EXOC4: variants seen among roughly 807,000 people sequenced by gnomAD.
EXOC4 encodes exocyst complex component 4.
Under a neutral mutation model 107.2 loss-of-function variants are expected in EXOC4, and 71 were observed. The observed-to-expected ratio is 0.66, with a 90% CI of 0.55 to 0.81. The LOEUF is 0.81. Among genes scored for constraint, EXOC4 ranks in the 30% least tolerant of loss-of-function variants. The pLI, the probability that EXOC4 is intolerant of heterozygous loss-of-function variation, is 0.00. For synonymous variants in EXOC4, 456 were observed against 441.2 expected (o/e 1.03, Z -0.42); for missense variants, 1,108 against 1,189.6 (o/e 0.93, Z 1.01).
the EXOC4 span, among the ~76,000 whole-genome samples, chr7:134,097,356 GTA>G: frequency 1.3e-5 from 2 of 151,728 alleles, no homozygotes; most frequent in African/African-American, 4.8e-5. Context: ...AAGCTAAAGA[GTA>G]TTCCTGTTAC....
At chr7:133,660,744 G>C (rs1285979563) in intron 10 of EXOC4, among the ~76,000 whole-genome samples, 1 of 151,948 alleles carries the variant, frequency 6.6e-6, no homozygotes, top group Non-Finnish European at 1.5e-5. Context: ...TTATTCCTTG[G>C]GGATACATAG....
At chr7:133,995,300 A>G (rs1182839660) in intron 14 of EXOC4, among the ~76,000 whole-genome samples, 1 of 152,130 alleles carries the variant, frequency 6.6e-6, no homozygotes, top group Non-Finnish European at 1.5e-5. Context: ...CCTTTGATGG[A>G]ATTTGGTCTA....
At chr7:133,312,924 T>C (rs1490463277) in intron 4 of EXOC4, among the ~76,000 whole-genome samples, 6 of 152,132 alleles carry the variant, frequency 3.9e-5, no homozygotes, top group African/African-American at 1.4e-4. Flanking sequence ...TTCTTTTATT[T>C]ATTGCATGAT....
intron 8 of EXOC4, among the ~76,000 whole-genome samples, chr7:133,478,429 C>G (rs1356987888): frequency 6.6e-6 from 1 of 152,080 alleles, no homozygotes; most frequent in Non-Finnish European, 1.5e-5. Context: ...GCCGTTATTA[C>G]AGATTTGTCT....
chr7:133,565,431 A>T (rs1369595606), intron 9 of EXOC4, among the ~76,000 whole-genome samples: 1 of 152,136 alleles, frequency 6.6e-6, no homozygotes, highest in African/African-American at 2.4e-5. Flanking sequence ...GATGCTACCT[A>T]CTCAAAGGTA....
At chr7:133,745,588 G>A (rs1372767201) in intron 10 of EXOC4, among the ~76,000 whole-genome samples, 1 of 151,854 alleles carries the variant, frequency 6.6e-6, no homozygotes, top group Non-Finnish European at 1.5e-5. Flanking sequence ...TTAAGAAACA[G>A]GATATAAAGT....
intron 5 of EXOC4, among the ~76,000 whole-genome samples, chr7:133,338,367 G>T (rs983410320): frequency 1.3e-5 from 2 of 150,968 alleles, no homozygotes; most frequent in African/African-American, 4.9e-5. Context: ...GCCGAGGCGG[G>T]TGGATCATGA....
In EXOC4 at chr7:133,257,488, A is replaced by G. The variant is rs371107088; in HGVS notation, c.86+4301A>G. ...AGCCTCTCTAGATGGGAAATAAGAA[A>G]GATGGCATTTTGGAGATATTTTATT... is the stretch of plus-strand genomic sequence containing the variant. On this transcript the variant is annotated intron_variant, in intron 1 of 17. Transcript: ENST00000253861. 2.5e-4 allele frequency among the ~76,000 whole-genome samples: 38 copies of G among 152,350 alleles called. No homozygotes were observed. In the South Asian group the frequency reaches 7.5e-3, roughly 30 times the overall value.
At chr7:134,036,722 A>G (rs1036623875) in intron 17 of EXOC4, among the ~76,000 whole-genome samples, 1 of 152,218 alleles carries the variant, frequency 6.6e-6, no homozygotes, top group Non-Finnish European at 1.5e-5. Context: ...TTACATATGT[A>G]GATATTCTGT....
At chr7:133,991,309 C>T (rs534564755) in intron 14 of EXOC4, among the ~76,000 whole-genome samples, 41 of 151,564 alleles carry the variant, frequency 2.7e-4, no homozygotes, top group South Asian at 8.3e-4. Context: ...TTTGTTTTTG[C>T]TATTGAGTTG....
At chr7:133,717,055 T>G (rs770429939) in intron 10 of EXOC4, among the ~76,000 whole-genome samples, 13 of 152,202 alleles carry the variant, frequency 8.5e-5, no homozygotes, top group Non-Finnish European at 1.3e-4. Flanking sequence ...AGAAATTTAG[T>G]TTTTCTTTCA....
At chr7:133,854,835 G>C (rs569944985) in intron 11 of EXOC4, among the ~76,000 whole-genome samples, 1 of 149,004 alleles carries the variant, frequency 6.7e-6, no homozygotes, top group South Asian at 2.1e-4. Flanking sequence ...TTGCCTGTTG[G>C]CATTAATTAA....
chr7:133,662,817 A>G (rs13237435), intron 10 of EXOC4, among the ~76,000 whole-genome samples: 68,696 of 152,014 alleles, frequency 0.45, 15,786 homozygotes, highest in South Asian at 0.62. Flanking sequence ...GAAGCAGTAG[A>G]TAGAAGATGG....
chr7:133,997,344 T>C (rs1046357207), intron 14 of EXOC4, 148 bp from the exon 15 acceptor site: 1 of 717,400 alleles, frequency 1.4e-6, no homozygotes, highest in African/African-American at 1.8e-5. Flanking sequence ...AATATAGAAA[T>C]TGTCTATCAT....
In EXOC4 at chr7:133,680,069, T is replaced by C. The variant is rs147032706; in HGVS notation, c.1514+49928T>C. Reference sequence around the variant, plus strand: ...TATTCTTCATCATAATCCCTGCAAATTAGAGGCTAAAAATCTTTGTTTTAC... The same window carrying C: ...TATTCTTCATCATAATCCCTGCAAACTAGAGGCTAAAAATCTTTGTTTTAC... On this transcript the variant is annotated intron_variant, in intron 10 of 17. Coordinates refer to ENST00000253861, the MANE Select transcript of EXOC4 (RefSeq NM_021807.4). Among the ~76,000 whole-genome samples, 736 of 152,312 alleles carry C rather than the reference T, an allele frequency of 4.8e-3. 3 individuals are homozygous for C. Among genetic ancestry groups the C allele is most frequent in the Middle Eastern group, 0.017 (5 of 294 alleles).
At chr7:133,928,801 C>T (rs1411689936) in intron 13 of EXOC4, among the ~76,000 whole-genome samples, 2 of 152,014 alleles carry the variant, frequency 1.3e-5, no homozygotes, top group Admixed American at 6.6e-5. Flanking sequence ...GGGTCCTCAC[C>T]CATCCATCAA....
At chr7:133,724,013 A>G (rs896116839) in intron 10 of EXOC4, among the ~76,000 whole-genome samples, 7 of 152,184 alleles carry the variant, frequency 4.6e-5, no homozygotes, top group South Asian at 2.1e-4. Flanking sequence ...AGTTATATAT[A>G]TATTAAAAAA....
At chr7:133,410,246 G>T (rs1797325769) in intron 7 of EXOC4, among the ~76,000 whole-genome samples, 1 of 152,070 alleles carries the variant, frequency 6.6e-6, no homozygotes, top group Non-Finnish European at 1.5e-5. Flanking sequence ...TTCTTATCAA[G>T]ACTTATATCT....
intron 17 of EXOC4, among the ~76,000 whole-genome samples, chr7:134,063,729 A>G (rs1010588723): frequency 6.6e-6 from 1 of 152,162 alleles, no homozygotes; most frequent in Non-Finnish European, 1.5e-5. Flanking sequence ...ACTGTCACAC[A>G]TTAGCATCAT....
Sources: gnomAD v4.1 joint callset for allele counts (sites outside exome capture counted in the v4.1 genomes callset) on GRCh38, gnomAD v4.1.1 for gene constraint, MANE v1.5 for transcripts, NCBI Gene and HGNC (gene_info 2026-07-23, HGNC 2026-07-21) for gene names.